The following RNF115 variants were observed in gnomAD, a reference collection of about 807,000 sequenced individuals.
The protein encoded by RNF115 is E3 ubiquitin-protein ligase RNF115.
In RNF115, 31 loss-of-function variants were observed where a neutral mutation model predicts 39.2. The observed-to-expected ratio is 0.79, with a 90% confidence interval of 0.59 to 1.07. RNF115 has a LOEUF of 1.07. Ranked by LOEUF, RNF115 falls within the 50% of genes least tolerant of loss-of-function variation. The probability of loss-of-function intolerance (pLI) is 0.00; values close to 1 mark genes in which losing one functional copy is unlikely to be tolerated. For synonymous variants in RNF115, 124 were observed against 131.0 expected, an observed-to-expected ratio of 0.95 and a Z score of 0.37; for missense variants, 384 against 381.7, an observed-to-expected ratio of 1.01 and a Z score of -0.05.
rs1335755941 is a variant in RNF115, at chr1:145,742,062, T to A, written c.*4804A>T. The A allele has an allele frequency of 6.6e-6, 1 of 152,166 alleles. No homozygotes were observed. The highest frequency in any genetic ancestry group is 1.5e-5 in the Non-Finnish European group (1 of 68,054). 9.4% of individuals were successfully genotyped at this position (152,166 alleles called of 1,614,324 possible). Reference sequence around the variant, plus strand: ...AGCGGGAGGTTGCAGTGACCTGAGATCACGCCACTGCACTCCAGCCTGGGC... The same window carrying A: ...AGCGGGAGGTTGCAGTGACCTGAGAACACGCCACTGCACTCCAGCCTGGGC... On this transcript the variant is annotated 3_prime_UTR_variant, in exon 9 of 9. Coordinates refer to ENST00000582693, the MANE Select transcript of RNF115 (RefSeq NM_014455.4).
At chr1:145,822,724 G>A (rs1553724623) in intron 1 of RNF115, among the ~76,000 whole-genome samples, 1 of 147,512 alleles carries the variant, frequency 6.8e-6, no homozygotes, top group African/African-American at 2.6e-5. Context: ...CAGTTTCTGG[G>A]TTTGTGATGC....
At chr1:145,780,667 A>G (rs1244071927) in intron 3 of RNF115, among the ~76,000 whole-genome samples, 1 of 151,716 alleles carries the variant, frequency 6.6e-6, no homozygotes, top group African/African-American at 2.4e-5. Context: ...ACATATTTTT[A>G]AATTTTTTAC....
At chr1:145,805,127 T>A (rs1553721425) in intron 1 of RNF115, among the ~76,000 whole-genome samples, 1 of 152,224 alleles carries the variant, frequency 6.6e-6, no homozygotes, top group Non-Finnish European at 1.5e-5. Flanking sequence ...TCAGAGCTTC[T>A]GACTGAGAAC....
chr1:145,762,574 A>G (rs1263696849), intron 4 of RNF115, among the ~76,000 whole-genome samples: 5 of 152,134 alleles, frequency 3.3e-5, no homozygotes, highest in African/African-American at 9.7e-5. Flanking sequence ...ATTATCATAT[A>G]TATGTATTTA....
intron 3 of RNF115, among the ~76,000 whole-genome samples, chr1:145,776,017 TA>T (rs1559115537): frequency 6.8e-6 from 1 of 147,032 alleles, no homozygotes; most frequent in East Asian, 2.1e-4. Flanking sequence ...AAAATAAAAA[TA>T]AAAATAAATA....
intron 3 of RNF115, among the ~76,000 whole-genome samples, chr1:145,775,655 A>G (rs1183533228): frequency 6.6e-6 from 1 of 152,090 alleles, no homozygotes; most frequent in African/African-American, 2.4e-5. Flanking sequence ...TCGGCCTCCC[A>G]AAGTACTGGG....
intron 3 of RNF115, among the ~76,000 whole-genome samples, chr1:145,777,193 C>T (rs149106434): frequency 4.2e-4 from 64 of 152,272 alleles, no homozygotes; most frequent in African/African-American, 1.3e-3. Context: ...TCACAGAAGA[C>T]AACTCTCAAA....
intron 4 of RNF115, among the ~76,000 whole-genome samples, chr1:145,765,834 GTC>G (rs1553714715): frequency 2.0e-5 from 3 of 152,152 alleles, no homozygotes; most frequent in African/African-American, 7.2e-5. Context: ...AGAGTTCCCT[GTC>G]TCTGTGTTAG....
At chr1:145,801,529 A>G (rs1649243921) in intron 1 of RNF115, among the ~76,000 whole-genome samples, 1 of 152,072 alleles carries the variant, frequency 6.6e-6, no homozygotes, top group Admixed American at 6.5e-5. Context: ...GTGAGACTCC[A>G]TGTCAAAAAA....
At chr1:145,814,829 A>AAT (rs1305593600) in intron 1 of RNF115, among the ~76,000 whole-genome samples, 1 of 152,212 alleles carries the variant, frequency 6.6e-6, no homozygotes, top group Non-Finnish European at 1.5e-5. Context: ...TATTGCAGTG[A>AAT]ATATATGTAC....
intron 5 of RNF115, among the ~76,000 whole-genome samples, 182 bp downstream of exon 5, chr1:145,752,796 C>A (rs776637751): frequency 2.8e-4 from 42 of 151,916 alleles, no homozygotes; most frequent in Non-Finnish European, 4.9e-4. Context: ...ACCATGTTAG[C>A]CAGGATGGCC....
rs1232437567 is a variant in RNF115 at position 145,744,888 on chromosome 1, A to AC, written c.*1977dup. The AC allele has an allele frequency of 6.6e-6, 1 of 152,198 alleles. No individual in the cohort carries two copies. The highest frequency in any genetic ancestry group is 1.5e-5 in the Non-Finnish European group (1 of 68,036). The allele number at this position is 152,198 out of a possible 1,614,324, so 9.4% of individuals were successfully genotyped here. On this transcript the variant is annotated 3_prime_UTR_variant, in exon 9 of 9. Transcript: ENST00000582693. ...ATCCAATGTTAAACACTTGAATGCTACAAAGAGCATGTGCATGGGACACTA... is the reference window on the plus strand; with the variant it reads ...ATCCAATGTTAAACACTTGAATGCTACCAAAGAGCATGTGCATGGGACACTA...
intron 5 of RNF115, 97 bp downstream of exon 5, chr1:145,752,881 C>A: frequency 1.2e-6 from 1 of 853,042 alleles, no homozygotes; most frequent in Non-Finnish European, 1.9e-6. Flanking sequence ...GCCACCGCAC[C>A]CGGCCTATGC....
intron 4 of RNF115, among the ~76,000 whole-genome samples, chr1:145,766,903 C>A (rs1647324016): frequency 1.2e-5 from 1 of 82,888 alleles, no homozygotes; most frequent in Admixed American, 1.2e-4. Flanking sequence ...AGGCGCCCCT[C>A]ACCTCCCGGA....
At chr1:145,799,474 A>T (rs1437853800) in intron 1 of RNF115, among the ~76,000 whole-genome samples, 1 of 152,166 alleles carries the variant, frequency 6.6e-6, no homozygotes, top group Non-Finnish European at 1.5e-5. Context: ...GGCTCTGGCC[A>T]GGACTCTTAA....
intron 1 of RNF115, among the ~76,000 whole-genome samples, chr1:145,812,137 GT>G: frequency 1.4e-5 from 2 of 147,354 alleles, no homozygotes; most frequent in Middle Eastern, 6.8e-3. Flanking sequence ...AACTATAATT[GT>G]TTTTTCTTTT....
intron 1 of RNF115, among the ~76,000 whole-genome samples, chr1:145,805,546 CATT>C (rs745419512): frequency 5.3e-4 from 80 of 152,140 alleles, no homozygotes; most frequent in Admixed American, 3.9e-4. Context: ...CATTGCTTTG[CATT>C]ATGTCCTCCA....
At chr1:145,771,518 C>A (rs144112463) in intron 4 of RNF115, among the ~76,000 whole-genome samples, 193 bp downstream of exon 4, 2 of 152,308 alleles carry the variant, frequency 1.3e-5, no homozygotes, top group Admixed American at 1.3e-4. Flanking sequence ...TAATCAGAGA[C>A]ATAGCATTTC....
At position 145,774,009 on chromosome 1, in the gene RNF115, T is replaced by A. The variant is rs587607078; in HGVS notation, c.220-2090A>T. Among the ~76,000 whole-genome samples, 10 of 152,192 alleles carry A rather than the reference T, an allele frequency of 6.6e-5. No homozygotes were observed. In the East Asian group the frequency reaches 1.9e-3, roughly 29 times the overall value. ...AGGGTAAGCTAAAATGCCACAAAGA[T>A]CTCTTACCTTGTTTCAGTGCCCTTT... On this transcript the variant is annotated intron_variant, in intron 3 of 8. Coordinates refer to ENST00000582693, the MANE Select transcript of RNF115 (RefSeq NM_014455.4).
Sources: gnomAD v4.1 joint callset for allele counts (sites outside exome capture counted in the v4.1 genomes callset) on GRCh38, gnomAD v4.1.1 for gene constraint, MANE v1.5 for transcripts, NCBI Gene and HGNC (gene_info 2026-07-23, HGNC 2026-07-21) for gene names.